Variants in PLEKHG4B observed in about 807,000 individuals in gnomAD.
The protein encoded by PLEKHG4B is pleckstrin homology and RhoGEF domain containing G4B.
Under a neutral mutation model 121.3 loss-of-function variants are expected in PLEKHG4B, and 111 were observed. The ratio of observed to expected loss-of-function variants is 0.92; its 90% CI spans 0.78 to 1.07. The LOEUF (loss-of-function observed/expected upper bound fraction) is 1.07. Among genes scored for constraint, PLEKHG4B ranks in the 50% least tolerant of loss-of-function variants. PLEKHG4B has a pLI of 0.00. For missense variants in PLEKHG4B, 1,831 were observed against 1,757.8 expected, an observed-to-expected ratio of 1.04 and a Z score of -0.74; for synonymous variants, 738 against 725.0, an observed-to-expected ratio of 1.02 and a Z score of -0.29.
At chr5:107,645 TG>T (rs1734015165) in intron 1 of PLEKHG4B, among the ~76,000 whole-genome samples, 1 of 152,252 alleles carries the variant, frequency 6.6e-6, no homozygotes, top group African/African-American at 2.4e-5. Flanking sequence ...GCCCTGGGTC[TG>T]GCCTCACCCT....
In PLEKHG4B at chr5:156,575, A is replaced by G. The variant is rs1312645602; in HGVS notation, c.2349-198A>G. 6.6e-6 allele frequency among the ~76,000 whole-genome samples: 1 copy of G among 151,702 alleles called. No homozygotes were observed. The highest frequency in any genetic ancestry group is 2.4e-5 in the African/African-American group (1 of 41,286). On this transcript the variant is annotated intron_variant, in intron 10 of 19. Transcript: ENST00000637938. The surrounding 1 kb of genome is among the most constrained non-coding windows in gnomAD (Gnocchi z 4.4). ...CCTGGGTCCCCTCCAGGCACCTGCA[A>G]CCCAGGCCGGCCAGGATGTTGGCAG...
chr5:140,789 C>CA (rs1735150856), intron 3 of PLEKHG4B, 73 bp downstream of exon 3: 1 of 1,298,260 alleles, frequency 7.7e-7, no homozygotes, highest in African/African-American at 1.7e-5. Flanking sequence ...TCCCCCTGCA[C>CA]ACCCCACCCC....
chr5:122,413 A>G (rs1734495952), intron 2 of PLEKHG4B, among the ~76,000 whole-genome samples: 1 of 151,570 alleles, frequency 6.6e-6, no homozygotes, highest in Non-Finnish European at 1.5e-5. Context: ...TTATTTATTT[A>G]TTTATTTATT....
intron 5 of PLEKHG4B, among the ~76,000 whole-genome samples, chr5:143,890 T>C (rs146377342): frequency 1.7e-3 from 257 of 152,312 alleles, no homozygotes; most frequent in African/African-American, 6.0e-3. Flanking sequence ...TTAATTAGAA[T>C]GTCAGTTAAT....
At chr5:107,202 G>A (rs1200498078) in intron 1 of PLEKHG4B, among the ~76,000 whole-genome samples, 1 of 152,214 alleles carries the variant, frequency 6.6e-6, no homozygotes, top group East Asian at 1.9e-4. Context: ...CCCTGCTGAG[G>A]CGGCCACATG....
intron 18 of PLEKHG4B, among the ~76,000 whole-genome samples, chr5:178,119 G>C (rs2126464550): frequency 6.6e-6 from 1 of 152,308 alleles, no homozygotes; most frequent in East Asian, 1.9e-4. Flanking sequence ...CTTTTCTGGT[G>C]GGGTCCCCCT....
chr5:122,605 G>A (rs1734502036), intron 2 of PLEKHG4B, among the ~76,000 whole-genome samples: 1 of 151,942 alleles, frequency 6.6e-6, no homozygotes, highest in South Asian at 2.1e-4. Flanking sequence ...ATTTTTAGTA[G>A]AGATGGGGTT....
At position 140,442 on chromosome 5, in the gene PLEKHG4B, C is replaced by T. The variant is rs1467212982; in HGVS notation, c.1203C>T (p.Thr401=). The T allele has an allele frequency of 5.1e-6, 8 of 1,574,302 alleles. No individual in the cohort carries two copies. In the African/African-American group the frequency reaches 8.1e-5, roughly 16 times the overall value. The change falls in exon 3 of 20, where the codon ACC becomes ACT. Residue 401 remains threonine, a synonymous_variant. Transcript: ENST00000637938. ...TAGCCAGTGGGACCCAGGAGGAAACCTCTGGCCCCCGGGGAGACCCCCAAC... is the reference window on the plus strand; with the variant it reads ...TAGCCAGTGGGACCCAGGAGGAAACTTCTGGCCCCCGGGGAGACCCCCAAC... The part of the protein sequence containing the change: ...GAVASGTQEE[T]SGPRGDPQQT...
chr5:114,458 GTGTT>G (rs1057493997), intron 2 of PLEKHG4B, among the ~76,000 whole-genome samples: 1 of 152,016 alleles, frequency 6.6e-6, no homozygotes, highest in African/African-American at 2.4e-5. Context: ...CCATATTTTG[GTGTT>G]TGTTTGTTTT....
chr5:171,466 A>C (rs1322992634), intron 16 of PLEKHG4B, 22 bp downstream of exon 16: 1 of 1,547,668 alleles, frequency 6.5e-7, no homozygotes, highest in Non-Finnish European at 8.7e-7. Flanking sequence ...AGACGCTGGC[A>C]GCTCAGGCAA....
Position 140,292 on chromosome 5 carries a change from G to A in PLEKHG4B, c.1053G>A (p.Trp351Ter). 1 of 1,480,776 alleles carries A rather than the reference G, an allele frequency of 6.8e-7. No individual in the cohort carries two copies. The highest frequency in any genetic ancestry group is 9.0e-7 in the Non-Finnish European group (1 of 1,116,928). 91.7% of individuals were successfully genotyped at this position (1,480,776 alleles called of 1,614,324 possible). Residue 351 changes from tryptophan to a stop codon, truncating the protein, a stop_gained, in exon 3 of 20, where the codon TGG becomes TGA. Transcript: ENST00000637938. LOFTEE classifies it high-confidence loss of function. ...GDPTCVQPRR[W>*]FRESYMEALR... ...CCACTTGTGTGCAGCCTAGACGCTG[G>A]TTCAGGGAGTCGTACATGGAAGCCT... is the stretch of plus-strand genomic sequence containing the variant.
chr5:107,983 G>C (rs1378748344), intron 1 of PLEKHG4B, among the ~76,000 whole-genome samples: 2 of 152,184 alleles, frequency 1.3e-5, no homozygotes, highest in Non-Finnish European at 2.9e-5. Flanking sequence ...CATAGGCTCA[G>C]GGAATTAGAA....
chr5:125,656 A>G (rs1734592120), intron 2 of PLEKHG4B, among the ~76,000 whole-genome samples: 1 of 152,228 alleles, frequency 6.6e-6, no homozygotes, highest in Admixed American at 6.5e-5. Context: ...CATTGTTACA[A>G]TAATACTAGC....
Position 155,341 on chromosome 5 carries a change from A to G in PLEKHG4B, c.2110-4A>G. The G allele has an allele frequency of 6.2e-7, 1 of 1,613,074 alleles. No individual in the cohort carries two copies. The highest frequency in any genetic ancestry group is 1.1e-5 in the South Asian group (1 of 91,066). On this transcript the variant is annotated splice_region_variant and splice_polypyrimidine_tract_variant and intron_variant, in intron 8 of 19. Transcript: ENST00000637938. ...ATAATCTCCTCCCTCTCAACTCACA[A>G]CAGAGGCTGGAACACTTCGCTGCAA...
chr5:155,172 G>A (rs202114812), intron 8 of PLEKHG4B, among the ~76,000 whole-genome samples, 173 bp from the exon 9 acceptor site: 1 of 152,202 alleles, frequency 6.6e-6, no homozygotes, highest in Non-Finnish European at 1.5e-5. Flanking sequence ...TGCCGAGCCC[G>A]GGTGGGAAGG....
Position 154,864 on chromosome 5 carries a change from C to T in PLEKHG4B, c.1993-11C>T. 6.2e-7 allele frequency: 1 copy of T among 1,610,148 alleles called. No homozygotes were observed. Among genetic ancestry groups the T allele is most frequent in the Non-Finnish European group, 8.5e-7 (1 of 1,176,786 alleles). On this transcript the variant is annotated splice_polypyrimidine_tract_variant and intron_variant, in intron 7 of 19. Coordinates refer to ENST00000637938, the MANE Select transcript of PLEKHG4B (RefSeq NM_052909.5). ...CTGGAGCCATGACCAACGAGTGCCT[C>T]TTCTTGGCAGTGTGAGGTCGTGAGC...
chr5:103,293 C>T (rs1011598019), intron 1 of PLEKHG4B, among the ~76,000 whole-genome samples: 6 of 152,142 alleles, frequency 3.9e-5, no homozygotes, highest in Non-Finnish European at 7.3e-5. Context: ...TTTCCTTTCC[C>T]ATCTTTGTTC....
chr5:122,202 A>C (rs907575202), intron 2 of PLEKHG4B, among the ~76,000 whole-genome samples: 2 of 152,158 alleles, frequency 1.3e-5, no homozygotes, highest in African/African-American at 2.4e-5. Context: ...AATCCAAAAA[A>C]TAGAGGATGA....
At chr5:110,178 G>A (rs1485773728) in intron 1 of PLEKHG4B, among the ~76,000 whole-genome samples, 1 of 126,690 alleles carries the variant, frequency 7.9e-6, no homozygotes, top group Non-Finnish European at 1.6e-5. Context: ...GCACACACCG[G>A]CCACTCTGCA....
Sources: allele counts gnomAD v4.1 joint callset (sites outside exome capture counted in the v4.1 genomes callset), GRCh38; gene constraint gnomAD v4.1.1; non-coding constraint Gnocchi (gnomAD v3.1); transcripts MANE v1.5; gene names NCBI Gene and HGNC (gene_info 2026-07-23, HGNC 2026-07-21).